Variants in SEC22B observed in about 807,000 individuals in gnomAD.
The protein encoded by SEC22B is SEC22 homolog B, vesicle trafficking protein, also known as vesicle-trafficking protein SEC22b.
SEC22B carries 10 observed loss-of-function variants against 31.4 expected under a neutral mutation model. The observed-to-expected ratio is 0.32, with a 90% CI of 0.20 to 0.54. SEC22B has a LOEUF of 0.54. Ranked by LOEUF, SEC22B falls within the 20% of genes least tolerant of loss-of-function variation. The probability of loss-of-function intolerance (pLI) is 0.94; values close to 1 mark genes in which losing one functional copy is unlikely to be tolerated. For missense variants in SEC22B, 130 were observed against 263.4 expected (o/e 0.49, Z 3.50); for synonymous variants, 60 against 95.9 (o/e 0.63, Z 2.19).
chr1:120,168,636 CAT>C (rs1657848940), intron 2 of SEC22B, among the ~76,000 whole-genome samples: 1 of 150,618 alleles, frequency 6.6e-6, no homozygotes, highest in Non-Finnish European at 1.5e-5. Context: ...AGCATAGACA[CAT>C]GTTAACAGGT....
rs1412064470 is a variant in SEC22B, at chr1:120,153,825, ATG to A, written c.*3211_*3212del. ...TAGTCTTTGAACAGCCTGAAACAGT[ATG>A]TGATACTTGATGTGCATGTACACAG... On this transcript the variant is annotated 3_prime_UTR_variant, in exon 5 of 5. Transcript: ENST00000578049. 4 of 142,910 alleles carry A rather than the reference ATG, an allele frequency of 2.8e-5. No homozygotes were observed. Among genetic ancestry groups the A allele is most frequent in the Non-Finnish European group, 6.0e-5 (4 of 66,326 alleles). 8.9% of individuals were successfully genotyped at this position (142,910 alleles called of 1,614,324 possible).
chr1:120,160,953 T>C (rs1416357053), intron 3 of SEC22B, among the ~76,000 whole-genome samples: 44 of 151,958 alleles, frequency 2.9e-4, no homozygotes, highest in East Asian at 3.9e-4. Flanking sequence ...CCACTGTCCA[T>C]GGTTAACCAA....
intron 1 of SEC22B, among the ~76,000 whole-genome samples, chr1:120,174,686 T>TAGGCCGGG (rs1657933415): frequency 9.6e-5 from 11 of 114,442 alleles, no homozygotes; most frequent in Middle Eastern, 3.8e-3. Context: ...TTGACCAGAT[T>TAGGCCGGG]CCATCCCCCC....
In SEC22B at chr1:120,159,381, G is replaced by A. The variant is rs1157450350; in HGVS notation, c.493+1003C>T. 1.2e-4 allele frequency: 18 copies of A among 152,174 alleles called. 1 individual carries two copies. In the South Asian group the frequency reaches 3.7e-3, roughly 31 times the overall value. 9.4% of individuals were successfully genotyped at this position (152,174 alleles called of 1,614,324 possible). On this transcript the variant is annotated intron_variant, in intron 4 of 4. Transcript: ENST00000578049. ...GGAGATGGTGGTTGCAGTGAGCCAA[G>A]ATCGTGCCATTGCACTCCAGCCTGG...
chr1:120,167,719 C>T (rs1397909249), intron 2 of SEC22B, among the ~76,000 whole-genome samples: 2 of 151,762 alleles, frequency 1.3e-5, no homozygotes, highest in Non-Finnish European at 2.9e-5. Flanking sequence ...TAAGGTCTGG[C>T]AAAGAATAAA....
chr1:120,161,072 A>C, intron 3 of SEC22B, among the ~76,000 whole-genome samples: 1 of 152,324 alleles, frequency 6.6e-6, no homozygotes, highest in East Asian at 1.9e-4. Flanking sequence ...CCTTTGAATT[A>C]GAAGTATTTG....
chr1:120,160,004 A>G (rs1397582259), intron 4 of SEC22B, among the ~76,000 whole-genome samples: 2 of 143,596 alleles, frequency 1.4e-5, no homozygotes, highest in Admixed American at 6.7e-5. Flanking sequence ...TGAAAATGGC[A>G]TTTTATAAAG....
chr1:120,162,641 T>C (rs1214064320), intron 3 of SEC22B, among the ~76,000 whole-genome samples: 1 of 152,278 alleles, frequency 6.6e-6, no homozygotes, highest in Non-Finnish European at 1.5e-5. Context: ...TAATTAGTCT[T>C]TCTATAATTC....
At chr1:120,169,964 C>T (rs1369650791) in intron 1 of SEC22B, among the ~76,000 whole-genome samples, 2 of 151,844 alleles carry the variant, frequency 1.3e-5, no homozygotes, top group Non-Finnish European at 2.9e-5. Context: ...GTAGAGCCCT[C>T]ATGAATGTGA....
intron 2 of SEC22B, among the ~76,000 whole-genome samples, chr1:120,166,573 C>CA (rs1204211329): frequency 1.4e-5 from 2 of 141,146 alleles, no homozygotes; most frequent in East Asian, 2.0e-4. Context: ...ATGTAGGAGC[C>CA]AAAAAAAATT....
intron 2 of SEC22B, among the ~76,000 whole-genome samples, chr1:120,164,447 G>A (rs1483035147): frequency 3.7e-5 from 5 of 136,870 alleles, no homozygotes. Flanking sequence ...TCCTCTTCTA[G>A]TAAGTCCTCA....
chr1:120,165,402 G>A lies in SEC22B; in HGVS notation c.186-2032C>T, dbSNP rs1246219268. 9.0e-4 allele frequency among the ~76,000 whole-genome samples: 137 copies of A among 152,234 alleles called. 4 individuals are homozygous for A. Among genetic ancestry groups the A allele is most frequent in the Admixed American group, 8.8e-3 (135 of 15,280 alleles). ...TGATGAGCGCCCATGCACTCTGGAA[G>A]GGGCTGTATGATTACACATCTGAGA... On this transcript the variant is annotated intron_variant, in intron 2 of 4. Coordinates refer to ENST00000578049, the MANE Select transcript of SEC22B (RefSeq NM_004892.6).
intron 1 of SEC22B, among the ~76,000 whole-genome samples, chr1:120,170,795 T>C (rs2101132195): frequency 6.7e-6 from 1 of 148,878 alleles, no homozygotes; most frequent in South Asian, 2.1e-4. Context: ...GAGTGAATAC[T>C]GTCATATGCT....
In SEC22B at chr1:120,156,312, T is replaced by C. The variant is rs1473994395; in HGVS notation, c.*726A>G. 3 of 151,778 alleles carry C rather than the reference T, an allele frequency of 2.0e-5. No individual in the cohort carries two copies. The highest frequency in any genetic ancestry group is 7.3e-5 in the African/African-American group (3 of 41,262). 9.4% of individuals were successfully genotyped at this position (151,778 alleles called of 1,614,324 possible). ...TAAAAGTAATAATGACCCAAACTAA[T>C]TTAAGTCTTTTGTTTAAGGAGTAAA... On this transcript the variant is annotated 3_prime_UTR_variant, in exon 5 of 5. Coordinates refer to ENST00000578049, the MANE Select transcript of SEC22B (RefSeq NM_004892.6).
chr1:120,176,505 C>T lies in SEC22B; in HGVS notation c.-124G>A, dbSNP rs1657969848. The T allele has an allele frequency of 1.2e-6, 1 of 854,654 alleles. No individual in the cohort carries two copies. Among genetic ancestry groups the T allele is most frequent in the African/African-American group, 1.7e-5 (1 of 59,692 alleles). The allele number at this position is 854,654 out of a possible 1,614,324, so 52.9% of individuals were successfully genotyped here. A position where few individuals can be genotyped will look rare whatever the true frequency, so the allele number is the denominator to read the frequency against. On this transcript the variant is annotated 5_prime_UTR_variant, in exon 1 of 5. Transcript: ENST00000578049. ...CCGGAGATCCAGCTGCTTGCGTCTC[C>T]GCTTCCCGCTGAGGTGGCCGGAAAC...
At chr1:120,164,099 A>G (rs1472935983) in intron 2 of SEC22B, among the ~76,000 whole-genome samples, 1 of 150,086 alleles carries the variant, frequency 6.7e-6, no homozygotes, top group Non-Finnish European at 1.5e-5. Flanking sequence ...AGCTGGGATT[A>G]CAGACACCCA....
In SEC22B at chr1:120,151,508, A is replaced by T. The variant is rs1657538098; in HGVS notation, c.*5530T>A. Reference sequence around the variant, plus strand: ...CGGTGAAACTCCATCTCTACTAAAAATACAAAAATTAGCCAGGAGCTGTGG... The same window carrying T: ...CGGTGAAACTCCATCTCTACTAAAATTACAAAAATTAGCCAGGAGCTGTGG... On this transcript the variant is annotated 3_prime_UTR_variant, in exon 5 of 5. Transcript: ENST00000578049. 1 of 152,200 alleles carries T rather than the reference A, an allele frequency of 6.6e-6. No individual in the cohort carries two copies. The highest frequency in any genetic ancestry group is 1.5e-5 in the Non-Finnish European group (1 of 68,086). 9.4% of individuals were successfully genotyped at this position (152,200 alleles called of 1,614,324 possible).
intron 3 of SEC22B, 28 bp from the exon 4 acceptor site, chr1:120,160,558 T>C (rs1442832431): frequency 5.5e-5 from 84 of 1,531,870 alleles, no homozygotes; most frequent in Non-Finnish European, 6.9e-5. Context: ...ACTGACCATT[T>C]CTTTCATGGC....
chr1:120,151,222 A>G lies in SEC22B; in HGVS notation c.*5816T>C, dbSNP rs1657529031. On this transcript the variant is annotated 3_prime_UTR_variant, in exon 5 of 5. Transcript: ENST00000578049. Reference sequence around the variant, plus strand: ...GCCAAGGCACAAGGTAAAATGTTTGACTGGTTAGAGACGCTAGATTATTTT... The same window carrying G: ...GCCAAGGCACAAGGTAAAATGTTTGGCTGGTTAGAGACGCTAGATTATTTT... 1 of 152,124 alleles carries G rather than the reference A, an allele frequency of 6.6e-6. No homozygotes were observed. Among genetic ancestry groups the G allele is most frequent in the South Asian group, 2.1e-4 (1 of 4,828 alleles). 9.4% of individuals were successfully genotyped at this position (152,124 alleles called of 1,614,324 possible).
Sources: gnomAD v4.1 joint callset for allele counts (sites outside exome capture counted in the v4.1 genomes callset) on GRCh38, gnomAD v4.1.1 for gene constraint, MANE v1.5 for transcripts, NCBI Gene and HGNC (gene_info 2026-07-23, HGNC 2026-07-21) for gene names.